Variants in SH3RF3 observed in about 807,000 individuals in gnomAD.
SH3RF3 encodes E3 ubiquitin-protein ligase SH3RF3.
Under a neutral mutation model 66.3 loss-of-function variants are expected in SH3RF3, and 29 were observed. The ratio of observed to expected loss-of-function variants is 0.44; its 90% CI spans 0.33 to 0.60. The LOEUF (loss-of-function observed/expected upper bound fraction) is 0.60, where lower values mean the gene tolerates loss of function less well. SH3RF3 is among the 20% of genes least tolerant of loss of function. SH3RF3 has a pLI of 0.04. For synonymous variants in SH3RF3, 583 were observed against 532.0 expected, an observed-to-expected ratio of 1.10 and a Z score of -1.32; for missense variants, 1,194 against 1,190.9, an observed-to-expected ratio of 1.00 and a Z score of -0.04.
intron 2 of SH3RF3, among the ~76,000 whole-genome samples, chr2:109,352,636 G>T (rs538976741): frequency 2.6e-5 from 4 of 152,186 alleles, no homozygotes; most frequent in Non-Finnish European, 1.5e-5. Flanking sequence ...CCCCGCTTGG[G>T]CTACTTTACC....
intron 2 of SH3RF3, among the ~76,000 whole-genome samples, chr2:109,362,355 C>G (rs1417288282): frequency 6.6e-6 from 1 of 152,060 alleles, no homozygotes; most frequent in Non-Finnish European, 1.5e-5. Context: ...GTTAAATCTC[C>G]AAGTATTTTG....
chr2:109,340,297 A>T (rs1574583410), intron 1 of SH3RF3, among the ~76,000 whole-genome samples: 1 of 152,104 alleles, frequency 6.6e-6, no homozygotes, highest in Non-Finnish European at 1.5e-5. Context: ...TGCTGTAAGG[A>T]TCCTGTGGGT....
At chr2:109,143,001 T>C (rs1676993167) in intron 1 of SH3RF3, among the ~76,000 whole-genome samples, 1 of 152,064 alleles carries the variant, frequency 6.6e-6, no homozygotes, top group African/African-American at 2.4e-5. Flanking sequence ...TGGAGTGTGA[T>C]TTGGCACTAG....
chr2:109,236,636 A>T (rs985831882), intron 1 of SH3RF3, among the ~76,000 whole-genome samples: 2 of 152,212 alleles, frequency 1.3e-5, no homozygotes, highest in African/African-American at 4.8e-5. Flanking sequence ...CCACGAGAAG[A>T]TGCTGCCCAA....
Position 109,277,896 on chromosome 2 carries a change from C to T in SH3RF3, c.574-69778C>T, listed in dbSNP as rs567472979. On this transcript the variant is annotated intron_variant, in intron 1 of 9. Coordinates refer to ENST00000309415, the MANE Select transcript of SH3RF3 (RefSeq NM_001099289.3). ...TCTTCTGCTGAAAGGCATTTCAGGC[C>T]GGGTGTGGTGGCTCACGCCTATAAT... Among the ~76,000 whole-genome samples the T allele has an allele frequency of 1.9e-3, 283 of 150,970 alleles. 1 individual carries two copies. Among genetic ancestry groups the T allele is most frequent in the Middle Eastern group, 0.014 (4 of 292 alleles).
At chr2:109,345,502 CT>C (rs1404986808) in intron 1 of SH3RF3, among the ~76,000 whole-genome samples, 1 of 152,108 alleles carries the variant, frequency 6.6e-6, no homozygotes, top group African/African-American at 2.4e-5. Flanking sequence ...AAGCCTCACC[CT>C]TGTGGTTTGG....
At chr2:109,257,284 T>C (rs559542817) in intron 1 of SH3RF3, among the ~76,000 whole-genome samples, 3 of 151,996 alleles carry the variant, frequency 2.0e-5, no homozygotes, top group Non-Finnish European at 4.4e-5. Flanking sequence ...GTCAGCTGTT[T>C]CTGCTTTTAA....
chr2:109,469,289 A>ACCT (rs1196261204), intron 8 of SH3RF3, among the ~76,000 whole-genome samples: 3 of 152,170 alleles, frequency 2.0e-5, no homozygotes, highest in Non-Finnish European at 4.4e-5. Flanking sequence ...TAAAGACACC[A>ACCT]CCTCACTGTG....
intron 1 of SH3RF3, among the ~76,000 whole-genome samples, chr2:109,301,837 T>C (rs1197777438): frequency 2.6e-5 from 4 of 152,208 alleles, no homozygotes; most frequent in South Asian, 2.1e-4. Flanking sequence ...CTTGCCTCTT[T>C]AGCATGTTTG....
At chr2:109,484,224 G>A (rs1178057159) in intron 8 of SH3RF3, among the ~76,000 whole-genome samples, 12 of 152,126 alleles carry the variant, frequency 7.9e-5, no homozygotes, top group East Asian at 5.8e-4. Flanking sequence ...TTGCCACCAC[G>A]CTCAGCTAAT....
chr2:109,242,342 T>C (rs1271204170), intron 1 of SH3RF3, among the ~76,000 whole-genome samples: 1 of 152,174 alleles, frequency 6.6e-6, no homozygotes, highest in Non-Finnish European at 1.5e-5. Flanking sequence ...CAGCTGAGTC[T>C]GCTGGCTGCT....
intron 1 of SH3RF3, among the ~76,000 whole-genome samples, chr2:109,339,924 T>C (rs1385355981): frequency 3.3e-5 from 5 of 152,166 alleles, no homozygotes; most frequent in Non-Finnish European, 7.4e-5. Context: ...CCCTCGCCTT[T>C]TGGGGGAGTG....
chr2:109,486,835 A>G (rs1192178146), intron 8 of SH3RF3, among the ~76,000 whole-genome samples: 2 of 152,182 alleles, frequency 1.3e-5, no homozygotes, highest in African/African-American at 4.8e-5. Context: ...TCCATGGAGG[A>G]AGGACCAGTG....
At chr2:109,325,242 G>A (rs1049318296) in intron 1 of SH3RF3, among the ~76,000 whole-genome samples, 2 of 151,830 alleles carry the variant, frequency 1.3e-5, no homozygotes, top group African/African-American at 4.8e-5. Flanking sequence ...AAAGTGAGTC[G>A]GTTTACACAG....
chr2:109,303,346 G>A (rs1050853796), intron 1 of SH3RF3, among the ~76,000 whole-genome samples: 28 of 152,230 alleles, frequency 1.8e-4, no homozygotes, highest in Admixed American at 1.3e-3. Context: ...CAAGGTGTGC[G>A]TTCAGTTGAA....
chr2:109,431,790 G>C (rs1345572056), intron 5 of SH3RF3, among the ~76,000 whole-genome samples: 2 of 152,090 alleles, frequency 1.3e-5, no homozygotes, highest in African/African-American at 4.8e-5. Context: ...AGGATCACTT[G>C]AGCCCAGGCC....
intron 2 of SH3RF3, among the ~76,000 whole-genome samples, chr2:109,368,851 G>A (rs539883195): frequency 2.8e-4 from 42 of 152,054 alleles, no homozygotes; most frequent in Non-Finnish European, 5.7e-4. Context: ...TGATGTGTGG[G>A]AAGCCTTTGG....
intron 1 of SH3RF3, among the ~76,000 whole-genome samples, chr2:109,211,637 T>C (rs1574506733): frequency 6.9e-6 from 1 of 144,746 alleles, no homozygotes; most frequent in African/African-American, 2.6e-5. Flanking sequence ...CGGCCCTTCC[T>C]GCATTTCTTT....
chr2:109,218,860 C>T (rs985544580), intron 1 of SH3RF3, among the ~76,000 whole-genome samples: 1 of 152,182 alleles, frequency 6.6e-6, no homozygotes, highest in East Asian at 1.9e-4. Context: ...CACACAAACC[C>T]ACAATCAATG....
Sources: allele counts gnomAD v4.1 joint callset (sites outside exome capture counted in the v4.1 genomes callset), GRCh38; gene constraint gnomAD v4.1.1; transcripts MANE v1.5; gene names NCBI Gene and HGNC (gene_info 2026-07-23, HGNC 2026-07-21).